CCDC192: variants seen among roughly 807,000 people sequenced by gnomAD.
The protein encoded by CCDC192 is coiled-coil domain containing 192, also known as coiled-coil domain-containing protein 192.
chr5:127,939,402 C>T (rs528098859), intron 6 of CCDC192, among the ~76,000 whole-genome samples: 1 of 152,120 alleles, frequency 6.6e-6, no homozygotes, highest in South Asian at 2.1e-4. Context: ...CAGGCGTGAG[C>T]CACCGTGCCC....
intron 5 of CCDC192, among the ~76,000 whole-genome samples, chr5:127,838,142 C>G (rs181902282): frequency 7.9e-5 from 12 of 152,220 alleles, no homozygotes; most frequent in Non-Finnish European, 1.8e-4. Context: ...CTTTCATCTC[C>G]CTGACTCCTA....
At chr5:127,863,134 T>A (rs1053622614) in intron 5 of CCDC192, among the ~76,000 whole-genome samples, 17 of 152,166 alleles carry the variant, frequency 1.1e-4, no homozygotes, top group African/African-American at 3.9e-4. Flanking sequence ...AGAATGAAAT[T>A]TATAATTAAA....
intron 6 of CCDC192, among the ~76,000 whole-genome samples, chr5:127,884,274 C>T (rs141399005): frequency 4.3e-4 from 57 of 131,160 alleles, no homozygotes; most frequent in African/African-American, 1.4e-3. Flanking sequence ...ACCCGGGAGG[C>T]GGAGCTTGCA....
intron 2 of CCDC192, among the ~76,000 whole-genome samples, chr5:127,730,444 C>CA (rs1268358507): frequency 6.6e-6 from 1 of 152,056 alleles, no homozygotes; most frequent in African/African-American, 2.4e-5. Flanking sequence ...ACCAGAGGTA[C>CA]AAAAAGGAGC....
intron 6 of CCDC192, among the ~76,000 whole-genome samples, chr5:127,913,928 T>C (rs1753445450): frequency 6.6e-6 from 1 of 152,240 alleles, no homozygotes; most frequent in Non-Finnish European, 1.5e-5. Context: ...AATACATAGC[T>C]ATGCCTAACA....
intron 2 of CCDC192, among the ~76,000 whole-genome samples, chr5:127,714,109 T>G (rs561497469): frequency 6.6e-6 from 1 of 152,348 alleles, no homozygotes; most frequent in South Asian, 2.1e-4. Context: ...TTTCTGTGTC[T>G]GGCTTATTTC....
chr5:127,738,932 C>T (rs1028875179), intron 2 of CCDC192, among the ~76,000 whole-genome samples: 1 of 151,832 alleles, frequency 6.6e-6, no homozygotes, highest in Non-Finnish European at 1.5e-5. Context: ...CTCAGCTCGT[C>T]AAAGTCATTC....
At chr5:127,752,702 CT>C (rs1420888726) in intron 2 of CCDC192, among the ~76,000 whole-genome samples, 3 of 152,206 alleles carry the variant, frequency 2.0e-5, no homozygotes, top group South Asian at 4.1e-4. Context: ...GCGGGCGCCC[CT>C]CCCCCAGCCT....
chr5:127,865,623 C>G (rs1751576252), intron 5 of CCDC192, among the ~76,000 whole-genome samples: 1 of 149,626 alleles, frequency 6.7e-6, no homozygotes, highest in Non-Finnish European at 1.5e-5. Context: ...TTCTTATCAT[C>G]AAATCGACAA....
At chr5:127,933,673 T>G (rs1754112888) in intron 6 of CCDC192, among the ~76,000 whole-genome samples, 1 of 152,174 alleles carries the variant, frequency 6.6e-6, no homozygotes, top group Non-Finnish European at 1.5e-5. Context: ...TACTAGGGTC[T>G]GAATGTTTGT....
At chr5:127,832,014 GA>G (rs1393680380) in intron 5 of CCDC192, among the ~76,000 whole-genome samples, 2 of 151,258 alleles carry the variant, frequency 1.3e-5, no homozygotes, top group African/African-American at 4.9e-5. Context: ...TAAAGGAATA[GA>G]AAAAAATATG....
intron 3 of CCDC192, among the ~76,000 whole-genome samples, chr5:127,768,315 C>A (rs1022315809): frequency 6.6e-6 from 1 of 152,012 alleles, no homozygotes; most frequent in Non-Finnish European, 1.5e-5. Context: ...CTAATCTAAT[C>A]TGATTGGTGT....
chr5:127,938,205 G>A (rs1754238763), intron 6 of CCDC192, among the ~76,000 whole-genome samples: 1 of 152,162 alleles, frequency 6.6e-6, no homozygotes, highest in Non-Finnish European at 1.5e-5. Flanking sequence ...GGATACAAAA[G>A]CCTGCTACCT....
rs76321015 is a variant in CCDC192, at chr5:127,834,590, T to G, written c.411+36428T>G. Among the ~76,000 whole-genome samples the G allele has an allele frequency of 2.2e-3, 336 of 152,300 alleles. 2 individuals are homozygous for G. Among genetic ancestry groups the G allele is most frequent in the Admixed American group, 5.7e-3 (87 of 15,292 alleles). On this transcript the variant is annotated intron_variant, in intron 5 of 6. Transcript: ENST00000514853. ...TGTTTTATAGTATTACATGCGATAT[T>G]CATAGTATCTTTGCAGGCAAGAATT...
chr5:127,792,275 G>A (rs927327729), intron 3 of CCDC192, among the ~76,000 whole-genome samples: 3 of 152,164 alleles, frequency 2.0e-5, no homozygotes, highest in Non-Finnish European at 4.4e-5. Flanking sequence ...TATTGTGGAA[G>A]GGGAAGCAAA....
intron 3 of CCDC192, among the ~76,000 whole-genome samples, chr5:127,789,505 A>C (rs944719100): frequency 6.6e-6 from 1 of 152,258 alleles, no homozygotes; most frequent in African/African-American, 2.4e-5. Flanking sequence ...TTTGCAGAAG[A>C]TAGAATTTGT....
At chr5:127,848,309 G>T (rs1464915107) in intron 5 of CCDC192, among the ~76,000 whole-genome samples, 1 of 152,170 alleles carries the variant, frequency 6.6e-6, no homozygotes, top group African/African-American at 2.4e-5. Context: ...AACACAGAGG[G>T]ATTTAGCCAT....
chr5:127,764,341 A>G (rs894315536), intron 3 of CCDC192, among the ~76,000 whole-genome samples: 1 of 152,216 alleles, frequency 6.6e-6, no homozygotes, highest in African/African-American at 2.4e-5. Context: ...AGACAGAGAC[A>G]AGATATATTT....
intron 6 of CCDC192, among the ~76,000 whole-genome samples, chr5:127,926,427 AACT>A (rs1288483979): frequency 3.3e-5 from 5 of 152,204 alleles, no homozygotes; most frequent in Admixed American, 3.3e-4. Flanking sequence ...GTCCTTGATA[AACT>A]AGTACCCCAT....
Sources: allele counts gnomAD v4.1 joint callset (sites outside exome capture counted in the v4.1 genomes callset), GRCh38; gene constraint gnomAD v4.1.1; transcripts MANE v1.5; gene names NCBI Gene and HGNC (gene_info 2026-07-23, HGNC 2026-07-21).